Variants in CYTH3 observed in about 807,000 individuals in gnomAD.
The protein encoded by CYTH3 is cytohesin 3.
Under a neutral mutation model 55.1 loss-of-function variants are expected in CYTH3, and 23 were observed. The ratio of observed to expected loss-of-function variants is 0.42; its 90% CI spans 0.30 to 0.59. The LOEUF (loss-of-function observed/expected upper bound fraction) is 0.59, where lower values mean the gene tolerates loss of function less well. Among genes scored for constraint, CYTH3 ranks in the 20% least tolerant of loss-of-function variants. The pLI is 0.20. For missense variants in CYTH3, 413 were observed against 524.8 expected (o/e 0.79, Z 2.08); for synonymous variants, 249 against 194.9 (o/e 1.28, Z -2.31).
chr7:6,253,546 G>A lies in CYTH3; in HGVS notation c.34+18928C>T, dbSNP rs757111161. Among the ~76,000 whole-genome samples, 11 of 151,994 alleles carry A rather than the reference G, an allele frequency of 7.2e-5. No individual in the cohort carries two copies. In the East Asian group the frequency reaches 1.2e-3, roughly 16 times the overall value. ...TTTAAAATTAAAAACAGCCGGGCAC[G>A]GTGGCTCACGCCTGTAATCCCAACA... On this transcript the variant is annotated intron_variant, in intron 1 of 12. Coordinates refer to ENST00000350796, the MANE Select transcript of CYTH3 (RefSeq NM_004227.4).
intron 1 of CYTH3, among the ~76,000 whole-genome samples, chr7:6,198,724 T>C (rs182752628): frequency 1.5e-4 from 22 of 148,832 alleles, no homozygotes; most frequent in African/African-American, 5.0e-4. Context: ...TACACAAACA[T>C]ATAAAAAGGC....
chr7:6,209,975 T>G (rs1162054939), intron 1 of CYTH3, among the ~76,000 whole-genome samples: 2 of 152,158 alleles, frequency 1.3e-5, no homozygotes, highest in Non-Finnish European at 2.9e-5. Context: ...CAGGGATGAA[T>G]AGCTGAGCAC....
intron 2 of CYTH3, 105 bp downstream of exon 2, chr7:6,190,344 G>GGGTTTTTTTTTTTTTTTTTTTTTTTTT: frequency 1.2e-6 from 1 of 852,818 alleles, no homozygotes; most frequent in South Asian, 2.0e-5. Flanking sequence ...TTTTGTTTTT[G>GGGTTTTTTTTTTTTTTTTTTTTTTTTT]GGTTTTTTTT....
chr7:6,245,070 C>T (rs751944149), intron 1 of CYTH3, among the ~76,000 whole-genome samples: 14 of 148,156 alleles, frequency 9.4e-5, no homozygotes, highest in Non-Finnish European at 1.9e-4. Context: ...CCACCCGCCC[C>T]GGCCTTCCAA....
chr7:6,176,920 G>A (rs1030198261), intron 5 of CYTH3, among the ~76,000 whole-genome samples: 43 of 152,280 alleles, frequency 2.8e-4, no homozygotes, highest in Admixed American at 2.1e-3. Context: ...TGTTTTTATC[G>A]TGAAGGAGTT....
intron 1 of CYTH3, among the ~76,000 whole-genome samples, chr7:6,228,193 T>G (rs1000725129): frequency 1.3e-5 from 2 of 152,210 alleles, no homozygotes; most frequent in Non-Finnish European, 2.9e-5. Flanking sequence ...TCTGCTCACC[T>G]TTTTTCCAGT....
At chr7:6,222,255 A>T (rs1784568982) in intron 1 of CYTH3, among the ~76,000 whole-genome samples, 3 of 152,218 alleles carry the variant, frequency 2.0e-5, no homozygotes, top group Admixed American at 2.0e-4. Context: ...CGGAAGGAAG[A>T]TTAGGGCTTA....
At chr7:6,216,544 G>C (rs546929883) in intron 1 of CYTH3, among the ~76,000 whole-genome samples, 2 of 151,792 alleles carry the variant, frequency 1.3e-5, no homozygotes, top group African/African-American at 4.8e-5. Flanking sequence ...TTTGAGACCA[G>C]CCTTGTCAAC....
At chr7:6,204,976 G>A (rs1246376541) in intron 1 of CYTH3, among the ~76,000 whole-genome samples, 1 of 151,954 alleles carries the variant, frequency 6.6e-6, no homozygotes, top group East Asian at 1.9e-4. Flanking sequence ...GCCAGTTTGG[G>A]CAACATGGCG....
At chr7:6,186,352 C>T (rs946474095) in intron 4 of CYTH3, among the ~76,000 whole-genome samples, 8 of 152,118 alleles carry the variant, frequency 5.3e-5, no homozygotes, top group Admixed American at 1.3e-4. Context: ...TCTCCTCAAC[C>T]CTGAAGACTC....
chr7:6,219,480 C>A (rs963979150), intron 1 of CYTH3, among the ~76,000 whole-genome samples: 1 of 152,124 alleles, frequency 6.6e-6, no homozygotes, highest in Admixed American at 6.5e-5. Flanking sequence ...TAAGGAAAGA[C>A]AAGGGTGTGG....
rs1358841984 is a variant in CYTH3 at position 6,171,457 on chromosome 7, CAG to C, written c.450-145_450-144del. ...TGGCAGGGGCTTGGGGGCGCAGAGA[CAG>C]AAAGGAGAAGACCCAGGACAGTCTC... On this transcript the variant is annotated intron_variant, in intron 6 of 12. Coordinates refer to ENST00000350796, the MANE Select transcript of CYTH3 (RefSeq NM_004227.4). This position sits in a 1 kb window ranked among gnomAD's most constrained non-coding sequence, Gnocchi z 6.7. 9 of 663,378 alleles carry C rather than the reference CAG, an allele frequency of 1.4e-5. No individual in the cohort carries two copies. In the South Asian group the frequency reaches 1.6e-4, roughly 12 times the overall value. 41.1% of individuals were successfully genotyped at this position (663,378 alleles called of 1,614,324 possible). A position where few individuals can be genotyped will look rare whatever the true frequency, so the allele number is the denominator to read the frequency against.
intron 1 of CYTH3, among the ~76,000 whole-genome samples, chr7:6,197,397 T>C (rs551421796): frequency 3.3e-5 from 5 of 152,118 alleles, no homozygotes; most frequent in South Asian, 2.1e-4. Context: ...AAAAAAAGAA[T>C]TGAGGCTGAG....
At chr7:6,224,748 T>C (rs1172956115) in intron 1 of CYTH3, among the ~76,000 whole-genome samples, 2 of 152,194 alleles carry the variant, frequency 1.3e-5, no homozygotes, top group African/African-American at 4.8e-5. Context: ...CAAACAAGTA[T>C]GTGTACACGA....
intron 6 of CYTH3, chr7:6,173,171 G>A (rs551534854): frequency 3.1e-6 from 2 of 649,048 alleles, no homozygotes; most frequent in Non-Finnish European, 3.9e-6. Flanking sequence ...TGCAGAGCAG[G>A]AGGAAGACAA....
intron 5 of CYTH3, among the ~76,000 whole-genome samples, chr7:6,174,506 G>C (rs912877604): frequency 6.7e-6 from 1 of 148,492 alleles, no homozygotes; most frequent in African/African-American, 2.5e-5. Context: ...ATTACGGCCA[G>C]CCTAATGGGT....
intron 11 of CYTH3, 39 bp from the exon 12 acceptor site, chr7:6,165,466 T>G: frequency 6.2e-7 from 1 of 1,609,034 alleles, no homozygotes; most frequent in Non-Finnish European, 8.5e-7. Context: ...TCAGGGGGGC[T>G]TGGGGCAGGT....
intron 1 of CYTH3, among the ~76,000 whole-genome samples, chr7:6,256,845 G>C (rs924334025): frequency 6.6e-6 from 1 of 152,220 alleles, no homozygotes; most frequent in African/African-American, 2.4e-5. Context: ...CTCCCTCTGA[G>C]AGCTGTCATC....
intron 9 of CYTH3, among the ~76,000 whole-genome samples, chr7:6,168,587 C>A (rs528897718): frequency 6.6e-6 from 1 of 152,166 alleles, no homozygotes; most frequent in Admixed American, 6.5e-5. Flanking sequence ...CTCACCGGGC[C>A]GCCCACCACA....
Sources: allele counts gnomAD v4.1 joint callset (sites outside exome capture counted in the v4.1 genomes callset), GRCh38; gene constraint gnomAD v4.1.1; non-coding constraint Gnocchi (gnomAD v3.1); transcripts MANE v1.5; gene names NCBI Gene and HGNC (gene_info 2026-07-23, HGNC 2026-07-21).